OSMR: variants seen among roughly 807,000 people sequenced by gnomAD.
OSMR encodes oncostatin-M-specific receptor subunit beta.
A neutral mutation model predicts 99.9 loss-of-function variants in OSMR; 81 were observed. The observed-to-expected ratio is 0.81, with a 90% CI of 0.68 to 0.97. The LOEUF is 0.97. Among genes scored for constraint, OSMR ranks in the 50% least tolerant of loss-of-function variants. OSMR has a pLI of 0.00. For missense variants in OSMR, 1,099 were observed against 1,153.4 expected, an observed-to-expected ratio of 0.95 and a Z score of 0.68; for synonymous variants, 406 against 410.4, an observed-to-expected ratio of 0.99 and a Z score of 0.13.
At chr5:38,945,262 T>C (rs1482931462), downstream of OSMR, 3 of 615,270 alleles carry the variant, frequency 4.9e-6, no homozygotes, top group African/African-American at 3.7e-5. Flanking sequence ...GACAGGGCTG[T>C]TCACAGTGGA....
At chr5:38,848,426 T>C (rs1261840607) in intron 1 of OSMR, among the ~76,000 whole-genome samples, 1 of 152,216 alleles carries the variant, frequency 6.6e-6, no homozygotes, top group Non-Finnish European at 1.5e-5. Flanking sequence ...ATTTTAGTTG[T>C]ACTGGTCGCT....
intron 1 of OSMR, among the ~76,000 whole-genome samples, chr5:38,858,892 G>GC (rs764542530): frequency 1.3e-5 from 2 of 152,122 alleles, no homozygotes; most frequent in Non-Finnish European, 2.9e-5. Context: ...ATACCTGTGG[G>GC]CCATTTGTAT....
intron 9 of OSMR, among the ~76,000 whole-genome samples, chr5:38,914,333 A>T (rs1241183645): frequency 6.6e-6 from 1 of 152,176 alleles, no homozygotes; most frequent in Admixed American, 6.5e-5. Context: ...TGAGGACACA[A>T]GTCAAAATGG....
At chr5:38,939,167 G>C (rs1242671834), downstream of OSMR, 2 of 232,792 alleles carry the variant, frequency 8.6e-6, no homozygotes, top group Admixed American at 5.6e-5. Context: ...TCCTCTGAAT[G>C]GAATAACATT....
chr5:38,929,962 T>G (rs1203014251), intron 15 of OSMR, among the ~76,000 whole-genome samples: 1 of 152,256 alleles, frequency 6.6e-6, no homozygotes, highest in Non-Finnish European at 1.5e-5. Flanking sequence ...CATGATTAAC[T>G]ATTCTCCTGT....
At chr5:38,930,185 T>C (rs1746657388) in intron 15 of OSMR, among the ~76,000 whole-genome samples, 1 of 152,236 alleles carries the variant, frequency 6.6e-6, no homozygotes, top group Admixed American at 6.5e-5. Flanking sequence ...GAGACCTGTC[T>C]CAGATACTTT....
rs376121365 is a variant in OSMR, at chr5:38,873,609, CA to C, written c.74-2591del. Among the ~76,000 whole-genome samples the C allele has an allele frequency of 4.7e-4, 72 of 152,236 alleles. 1 individual carries two copies. The East Asian group carries it at 0.011, about 24-fold the overall frequency. On this transcript the variant is annotated intron_variant, in intron 2 of 17. Transcript: ENST00000274276. ...ATTTTACATTCCTACCGGCAGTGTACAGGGGCTGTAATTTCTCCACATCCTC... is the reference window on the plus strand; with the variant it reads ...ATTTTACATTCCTACCGGCAGTGTACGGGGCTGTAATTTCTCCACATCCTC...
intron 1 of OSMR, among the ~76,000 whole-genome samples, chr5:38,849,655 T>G (rs1740200284): frequency 6.6e-6 from 1 of 152,192 alleles, no homozygotes; most frequent in Non-Finnish European, 1.5e-5. Flanking sequence ...TTTATTGAGT[T>G]TATAATTGTT....
intron 7 of OSMR, among the ~76,000 whole-genome samples, chr5:38,895,307 A>T (rs1280744697): frequency 6.6e-6 from 1 of 152,072 alleles, no homozygotes; most frequent in African/African-American, 2.4e-5. Context: ...ATGAAACCAA[A>T]CACTGGTTTT....
At chr5:38,874,032 A>G (rs1418652340) in intron 2 of OSMR, among the ~76,000 whole-genome samples, 1 of 151,612 alleles carries the variant, frequency 6.6e-6, no homozygotes. Flanking sequence ...GGGTTTTTCC[A>G]TGTTGCCGAC....
intron 1 of OSMR, among the ~76,000 whole-genome samples, chr5:38,860,001 A>G (rs1741152969): frequency 6.6e-6 from 1 of 152,176 alleles, no homozygotes; most frequent in South Asian, 2.1e-4. Flanking sequence ...TTTTATATAT[A>G]CAAGATCATG....
chr5:38,903,536 T>C lies in OSMR; in HGVS notation c.992-346T>C, dbSNP rs374042165. 1.1e-4 allele frequency among the ~76,000 whole-genome samples: 16 copies of C among 152,352 alleles called. No individual in the cohort carries two copies. The South Asian group carries it at 1.9e-3, about 18-fold the overall frequency. On this transcript the variant is annotated intron_variant, in intron 7 of 17. Coordinates refer to ENST00000274276, the MANE Select transcript of OSMR (RefSeq NM_003999.3). ...ATATTTTGGATTATATCCTTGACAT[T>C]GTTAATGTTATTTTGGTTACACTCT...
At chr5:38,874,935 G>A (rs1742692087) in intron 2 of OSMR, among the ~76,000 whole-genome samples, 1 of 152,162 alleles carries the variant, frequency 6.6e-6, no homozygotes, top group African/African-American at 2.4e-5. Flanking sequence ...TTTCATTGTT[G>A]TTATTTTTAC....
At chr5:38,938,703 G>C (rs1440882305), downstream of OSMR, 2 of 232,614 alleles carry the variant, frequency 8.6e-6, no homozygotes, top group African/African-American at 2.2e-5. Flanking sequence ...GATTCTCACA[G>C]ATTTCAGTGT....
At chr5:38,855,184 C>A (rs575654769) in intron 1 of OSMR, among the ~76,000 whole-genome samples, 2 of 152,172 alleles carry the variant, frequency 1.3e-5, no homozygotes, top group African/African-American at 4.8e-5. Flanking sequence ...ACTTGATCTG[C>A]AGGAGGGGCC....
chr5:38,885,058 A>C (rs1461230449), intron 5 of OSMR: 1 of 320,358 alleles, frequency 3.1e-6, no homozygotes, highest in East Asian at 1.7e-4. Flanking sequence ...ATTGGCAGGC[A>C]CTGGGGATAC....
intron 7 of OSMR, chr5:38,886,646 T>A (rs1743794876): frequency 6.5e-6 from 1 of 154,436 alleles, no homozygotes; most frequent in Non-Finnish European, 1.4e-5. Flanking sequence ...AAATTGCTAA[T>A]ATTTGCCCAT....
In OSMR at chr5:38,934,774, G is replaced by A. The variant is rs568577163; in HGVS notation, c.*1330G>A. On this transcript the variant is annotated 3_prime_UTR_variant, in exon 18 of 18. Transcript: ENST00000274276. ...CCTGCCTCAGCTTCCCCAAGGGCTG[G>A]GATTACAGGTGTGAGCCACCATGCC... 1 of 152,288 alleles carries A rather than the reference G, an allele frequency of 6.6e-6. No individual in the cohort carries two copies. The highest frequency in any genetic ancestry group is 2.4e-5 in the African/African-American group (1 of 41,556). 9.4% of individuals were successfully genotyped at this position (152,288 alleles called of 1,614,324 possible).
intron 17 of OSMR, 107 bp downstream of exon 17, chr5:38,932,642 C>G: frequency 6.5e-7 from 1 of 1,548,082 alleles, no homozygotes; most frequent in Non-Finnish European, 8.8e-7. Context: ...AAATATAGCA[C>G]AGTAAAAGCC....
Sources: allele counts gnomAD v4.1 joint callset (sites outside exome capture counted in the v4.1 genomes callset), GRCh38; gene constraint gnomAD v4.1.1; transcripts MANE v1.5; gene names NCBI Gene and HGNC (gene_info 2026-07-23, HGNC 2026-07-21).